MEAF6: variants seen among roughly 807,000 people sequenced by gnomAD.
The protein encoded by MEAF6 is chromatin modification-related protein MEAF6.
MEAF6 carries 15 observed loss-of-function variants against 28.9 expected under a neutral mutation model. The ratio of observed to expected loss-of-function variants is 0.52; its 90% CI spans 0.35 to 0.80. The LOEUF (loss-of-function observed/expected upper bound fraction) is 0.80, where lower values mean the gene tolerates loss of function less well. MEAF6 is among the 30% of genes least tolerant of loss of function. The probability of loss-of-function intolerance (pLI) is 0.01; values close to 1 mark genes in which losing one functional copy is unlikely to be tolerated. For missense variants in MEAF6, 178 were observed against 237.5 expected (o/e 0.75, Z 1.65); for synonymous variants, 97 against 88.7 (o/e 1.09, Z -0.53).
At chr1:37,511,304 G>T (rs1236352749) in intron 2 of MEAF6, among the ~76,000 whole-genome samples, 1 of 152,144 alleles carries the variant, frequency 6.6e-6, no homozygotes, top group African/African-American at 2.4e-5. Flanking sequence ...AAATGTGGGA[G>T]AATGAAAGAA....
chr1:37,509,027 T>C (rs1033651200), intron 4 of MEAF6, among the ~76,000 whole-genome samples: 3 of 152,136 alleles, frequency 2.0e-5, no homozygotes, highest in East Asian at 1.9e-4. Flanking sequence ...AGCCTAGGAG[T>C]TTGAGGCTGC....
rs986435015 is a variant in MEAF6 at position 37,513,817 on chromosome 1, G to A, written c.91-279C>T. The A allele has an allele frequency of 5.7e-6, 3 of 524,284 alleles. No individual in the cohort carries two copies. The Admixed American group carries it at 9.7e-5, about 17-fold the overall frequency. The allele number at this position is 524,284 out of a possible 1,614,324, so 32.5% of individuals were successfully genotyped here. A position where few individuals can be genotyped will look rare whatever the true frequency, so the allele number is the denominator to read the frequency against. ...ACTTTAGAGGATTCACGGAAACCAT[G>A]AGTCAAGAGCCCAGGCTAACGCAGA... On this transcript the variant is annotated intron_variant, in intron 1 of 6. Coordinates refer to ENST00000296214, the MANE Select transcript of MEAF6 (RefSeq NM_001270875.3).
In MEAF6 at chr1:37,501,967, T is replaced by G. The variant is rs944551919; in HGVS notation, c.370A>C (p.Thr124Pro). The G allele has an allele frequency of 6.2e-6, 10 of 1,607,166 alleles. No homozygotes were observed. Among genetic ancestry groups the G allele is most frequent in the Non-Finnish European group, 8.5e-6 (10 of 1,175,298 alleles). The change falls in exon 5 of 7, where the codon ACT becomes CCT. Residue 124 changes from threonine (T) to proline (P), a missense_variant. Coordinates refer to ENST00000296214, the MANE Select transcript of MEAF6 (RefSeq NM_001270875.3). ...TCCTGATTGTGGAAGTCTGGAGAAG[T>G]GTCACTTTCCGTCCCACTTCCTGGC... ...REPGSGTESD[T>P]SPDFHNQENE...
At chr1:37,505,363 A>G (rs962578725) in intron 4 of MEAF6, among the ~76,000 whole-genome samples, 3 of 152,196 alleles carry the variant, frequency 2.0e-5, no homozygotes, top group Non-Finnish European at 4.4e-5. Flanking sequence ...AAAGCAACAG[A>G]AAAGGAAACT....
intron 1 of MEAF6, chr1:37,513,839 C>G (rs747540598): frequency 2.2e-6 from 1 of 464,446 alleles, no homozygotes; most frequent in African/African-American, 1.9e-5. Flanking sequence ...CAGGCTAACG[C>G]AGAACTTGGG....
chr1:37,514,512 C>T (rs967284303), intron 1 of MEAF6, 145 bp downstream of exon 1: 2 of 462,980 alleles, frequency 4.3e-6, no homozygotes, highest in African/African-American at 4.2e-5. Flanking sequence ...CCGCAGAATG[C>T]GCACCCGGCC....
At position 37,514,698 on chromosome 1, in the gene MEAF6, G is replaced by T; in HGVS notation, c.49C>A (p.Arg17=). The T allele has an allele frequency of 6.5e-7, 1 of 1,543,338 alleles. No individual in the cohort carries two copies. Among genetic ancestry groups the T allele is most frequent in the Non-Finnish European group, 8.7e-7 (1 of 1,149,584 alleles). ...AAPPQIPDTR[R]ELAELVKRKQ... is the part of the protein sequence containing the mutation. ...CGCTTCACGAGCTCCGCCAGCTCCC[G>T]CCGGGTGTCCGGGATCTGCGGCGGC... Residue 17 remains arginine, a synonymous_variant, in exon 1 of 7, where the codon CGG becomes AGG. Transcript: ENST00000296214.
At position 37,514,592 on chromosome 1, in the gene MEAF6, T is replaced by G; in HGVS notation, c.90+65A>C. On this transcript the variant is annotated intron_variant, in intron 1 of 6. Coordinates refer to ENST00000296214, the MANE Select transcript of MEAF6 (RefSeq NM_001270875.3). ...AACAAACGGCCTAGCGCGGCCGGGCTTGGGGCCTGGAGGCGGGGCGGGCGC... is the reference window on the plus strand; with the variant it reads ...AACAAACGGCCTAGCGCGGCCGGGCGTGGGGCCTGGAGGCGGGGCGGGCGC... The G allele has an allele frequency of 2.3e-6, 3 of 1,323,458 alleles. No homozygotes were observed. The South Asian group carries it at 4.4e-5, about 20-fold the overall frequency. 82.0% of individuals were successfully genotyped at this position (1,323,458 alleles called of 1,614,324 possible). A position where few individuals can be genotyped will look rare whatever the true frequency, so the allele number is the denominator to read the frequency against.
At position 37,509,808 on chromosome 1, in the gene MEAF6, G is replaced by C. The variant is rs1039959800; in HGVS notation, c.207-266C>G. ...TATTTATTTATTGAGACGGAGTCTT[G>C]CTCTGTCGCCTACGCTGGAGTGCAA... On this transcript the variant is annotated intron_variant, in intron 2 of 6. Transcript: ENST00000296214. 2.0e-5 allele frequency among the ~76,000 whole-genome samples: 3 copies of C among 152,026 alleles called. No individual in the cohort carries two copies. In the East Asian group the frequency reaches 5.8e-4, roughly 29 times the overall value.
At position 37,495,926 on chromosome 1, in the gene MEAF6, A is replaced by G. The variant is rs1435238760; in HGVS notation, c.534-8T>C. ...TTTAACTTCAGATCAATCCTGTGACAGAAAAGATAAAAGATATTTCCATTT... is the reference window on the plus strand; with the variant it reads ...TTTAACTTCAGATCAATCCTGTGACGGAAAAGATAAAAGATATTTCCATTT... On this transcript the variant is annotated splice_polypyrimidine_tract_variant and splice_region_variant and intron_variant, in intron 5 of 6. Transcript: ENST00000296214. 7 of 1,612,988 alleles carry G rather than the reference A, an allele frequency of 4.3e-6. No individual in the cohort carries two copies. The African/African-American group carries it at 9.3e-5, about 22-fold the overall frequency.
At chr1:37,513,320 T>A in intron 2 of MEAF6, 103 bp downstream of exon 2, 3 of 783,882 alleles carry the variant, frequency 3.8e-6, no homozygotes, top group Non-Finnish European at 6.7e-6. Context: ...ATCACACCAC[T>A]ACTTTACTAC....
intron 5 of MEAF6, among the ~76,000 whole-genome samples, chr1:37,498,660 G>A (rs1242858666): frequency 6.6e-6 from 1 of 151,532 alleles, no homozygotes; most frequent in Non-Finnish European, 1.5e-5. Flanking sequence ...CGAACTCCTA[G>A]ACTCAAGTGA....
At position 37,513,528 on chromosome 1, in the gene MEAF6, G is replaced by A; in HGVS notation, c.101C>T (p.Ala34Val). Residue 34 changes from alanine (A) to valine (V), a missense_variant, in exon 2 of 7, where the codon GCA becomes GTA. Coordinates refer to ENST00000296214, the MANE Select transcript of MEAF6 (RefSeq NM_001270875.3). The part of the protein sequence containing the change: ...KRKQELAETL[A>V]NLERQIYAFE... ...AGCATAGATCTGTCGCTCCAAATTTGCCAATGTTTCCTGAGAGATGAAAAA... is the reference window on the plus strand; with the variant it reads ...AGCATAGATCTGTCGCTCCAAATTTACCAATGTTTCCTGAGAGATGAAAAA... 4 of 1,613,714 alleles carry A rather than the reference G, an allele frequency of 2.5e-6. No homozygotes were observed. The highest frequency in any genetic ancestry group is 3.4e-6 in the Non-Finnish European group (4 of 1,179,632).
At chr1:37,506,690 T>TTTTTG (rs1035606240) in intron 4 of MEAF6, among the ~76,000 whole-genome samples, 4 of 151,930 alleles carry the variant, frequency 2.6e-5, no homozygotes, top group African/African-American at 7.3e-5. Flanking sequence ...CCTTTTCAGG[T>TTTTTG]TTTTGTTTTG....
At chr1:37,508,194 C>A (rs573542402) in intron 4 of MEAF6, among the ~76,000 whole-genome samples, 61 of 149,724 alleles carry the variant, frequency 4.1e-4, no homozygotes, top group African/African-American at 1.5e-3. Flanking sequence ...AGATATAATT[C>A]GTTTACAGAG....
intron 5 of MEAF6, chr1:37,496,859 A>G (rs1642142416): frequency 1.9e-6 from 2 of 1,029,020 alleles, no homozygotes; most frequent in Admixed American, 3.5e-5. Context: ...ATCTTAAGCA[A>G]CAAAGTATCA....
chr1:37,494,515 CAAAAAAAAAAA>C (rs35851858), intron 6 of MEAF6, among the ~76,000 whole-genome samples: 2 of 82,250 alleles, frequency 2.4e-5, no homozygotes, highest in African/African-American at 1.1e-4. Context: ...AACTCTGTTT[CAAAAAAAAAAA>C]AAAAAAAAAA....
Position 37,511,844 on chromosome 1 carries a change from T to A in MEAF6, c.206+1579A>T, listed in dbSNP as rs71640733. 7.8e-3 allele frequency among the ~76,000 whole-genome samples: 1,184 copies of A among 152,342 alleles called. 8 individuals carry two copies. Among genetic ancestry groups the A allele is most frequent in the Middle Eastern group, 0.017 (5 of 294 alleles). ...TCTTAAGACATAATAGCCAAATGCA[T>A]GCATGAATGCTTACTGAATCCTGGA... On this transcript the variant is annotated intron_variant, in intron 2 of 6. Coordinates refer to ENST00000296214, the MANE Select transcript of MEAF6 (RefSeq NM_001270875.3).
At chr1:37,506,657 T>C (rs35275661) in intron 4 of MEAF6, among the ~76,000 whole-genome samples, 4 of 152,066 alleles carry the variant, frequency 2.6e-5, no homozygotes, top group Non-Finnish European at 5.9e-5. Flanking sequence ...TGCTGGAATT[T>C]TAAGTGTGAG....
Sources: allele counts gnomAD v4.1 joint callset (sites outside exome capture counted in the v4.1 genomes callset), GRCh38; gene constraint gnomAD v4.1.1; transcripts MANE v1.5; gene names NCBI Gene and HGNC (gene_info 2026-07-23, HGNC 2026-07-21).